The following LRP1B variants were observed in gnomAD, a reference collection of about 807,000 sequenced individuals.
The protein encoded by LRP1B is LDL receptor related protein 1B, also known as low-density lipoprotein receptor-related protein 1B.
Under a neutral mutation model 556.6 loss-of-function variants are expected in LRP1B, and 217 were observed. The observed-to-expected ratio is 0.39, with a 90% CI of 0.35 to 0.44. The LOEUF is 0.44. Among genes scored for constraint, LRP1B ranks in the 20% least tolerant of loss-of-function variants. LRP1B has a pLI of 1.00. For synonymous variants in LRP1B, 2,047 were observed against 1,865.8 expected (o/e 1.10, Z -2.50); for missense variants, 5,053 against 5,620.8 (o/e 0.90, Z 3.23).
At chr2:140,728,464 T>C (rs1687668125) in intron 35 of LRP1B, among the ~76,000 whole-genome samples, 1 of 152,262 alleles carries the variant, frequency 6.6e-6, no homozygotes, top group Middle Eastern at 3.4e-3. Flanking sequence ...AGCTGCAAAA[T>C]TGAGACAGCA....
chr2:140,909,952 T>A (rs374260020), intron 21 of LRP1B, among the ~76,000 whole-genome samples: 1 of 151,224 alleles, frequency 6.6e-6, no homozygotes, highest in Admixed American at 6.6e-5. Flanking sequence ...AAAAAAGCCT[T>A]GAATATAGAT....
chr2:140,584,732 A>G (rs1295206173), intron 43 of LRP1B, among the ~76,000 whole-genome samples: 1 of 152,108 alleles, frequency 6.6e-6, no homozygotes, highest in Non-Finnish European at 1.5e-5. Context: ...CATCACTGAA[A>G]TGTATGTGGA....
chr2:140,521,906 C>T (rs1385264596), intron 49 of LRP1B, among the ~76,000 whole-genome samples: 3 of 151,730 alleles, frequency 2.0e-5, no homozygotes, highest in Non-Finnish European at 4.4e-5. Flanking sequence ...TAAACAACAA[C>T]AGTAGAAAAA....
intron 3 of LRP1B, among the ~76,000 whole-genome samples, chr2:141,348,246 G>A (rs2683819): frequency 0.45 from 68,936 of 151,790 alleles, 17,206 homozygotes; most frequent in Non-Finnish European, 0.57. Flanking sequence ...GCAACAAACC[G>A]CCAGTTAGGT....
At chr2:140,436,538 C>T (rs979676969) in intron 66 of LRP1B, among the ~76,000 whole-genome samples, 1 of 151,548 alleles carries the variant, frequency 6.6e-6, no homozygotes, top group African/African-American at 2.4e-5. Flanking sequence ...GTATGGAATG[C>T]CGAGAAGTGG....
At chr2:141,477,072 G>A (rs762549507) in intron 3 of LRP1B, among the ~76,000 whole-genome samples, 4 of 151,838 alleles carry the variant, frequency 2.6e-5, no homozygotes, top group Non-Finnish European at 4.4e-5. Context: ...ATGGTGAGCC[G>A]AGATAGCGCC....
In LRP1B at chr2:141,819,457, G is replaced by A. The variant is rs1463009535; in HGVS notation, c.83-9056C>T. Among the ~76,000 whole-genome samples, 3 of 152,108 alleles carry A rather than the reference G, an allele frequency of 2.0e-5. No individual in the cohort carries two copies. In the East Asian group the frequency reaches 5.8e-4, roughly 29 times the overall value. On this transcript the variant is annotated intron_variant, in intron 1 of 90. Coordinates refer to ENST00000389484, the MANE Select transcript of LRP1B (RefSeq NM_018557.3). ...ATAACGTAACACTTCAGGGCTACAG[G>A]ACACTATGTTACTTGAGATAAGCCA...
At chr2:140,376,660 C>T (rs1287038398) in intron 68 of LRP1B, among the ~76,000 whole-genome samples, 2 of 151,956 alleles carry the variant, frequency 1.3e-5, no homozygotes, top group African/African-American at 4.8e-5. Context: ...CTTGAGCGAC[C>T]TTTGCATCCT....
At position 141,620,453 on chromosome 2, in the gene LRP1B, C is replaced by T. The variant is rs117989684; in HGVS notation, c.206-139920G>A. On this transcript the variant is annotated intron_variant, in intron 2 of 90. Transcript: ENST00000389484. ...AAATAATCATTTTAATTTCCTTAAA[C>T]CATGAATTAAATAGAAATGGCATGT... 1.2e-3 allele frequency among the ~76,000 whole-genome samples: 180 copies of T among 152,236 alleles called. 6 individuals are homozygous for T. In the East Asian group the frequency reaches 0.033, roughly 28 times the overall value.
intron 66 of LRP1B, among the ~76,000 whole-genome samples, chr2:140,436,764 G>A (rs1193253573): frequency 6.6e-6 from 1 of 151,922 alleles, no homozygotes; most frequent in Non-Finnish European, 1.5e-5. Context: ...AAAAAGAAGG[G>A]AAAGTTGTAG....
intron 41 of LRP1B, among the ~76,000 whole-genome samples, chr2:140,609,423 T>C (rs1392590535): frequency 6.6e-6 from 1 of 152,202 alleles, no homozygotes; most frequent in African/African-American, 2.4e-5. Context: ...AAATATCATT[T>C]ACATGTTTTC....
intron 2 of LRP1B, among the ~76,000 whole-genome samples, chr2:141,786,177 A>G (rs750230739): frequency 1.6e-4 from 24 of 152,008 alleles, no homozygotes; most frequent in Non-Finnish European, 2.6e-4. Flanking sequence ...AACAAATGGT[A>G]TAAATAAGTG....
At chr2:142,046,043 A>T (rs1487050336) in intron 1 of LRP1B, among the ~76,000 whole-genome samples, 1 of 151,968 alleles carries the variant, frequency 6.6e-6, no homozygotes. Context: ...TAAGCAAACA[A>T]GGTGTAAACC....
Position 140,231,932 on chromosome 2 carries a change from T to A in LRP1B, c.*1254A>T, listed in dbSNP as rs1680489423. Reference sequence around the variant, plus strand: ...CTTTTATTTTTATATACAACTTAAATAAATCGCACTCGTTTCAACTCAAAT... The same window carrying A: ...CTTTTATTTTTATATACAACTTAAAAAAATCGCACTCGTTTCAACTCAAAT... On this transcript the variant is annotated 3_prime_UTR_variant, in exon 91 of 91. Coordinates refer to ENST00000389484, the MANE Select transcript of LRP1B (RefSeq NM_018557.3). 1 of 151,726 alleles carries A rather than the reference T, an allele frequency of 6.6e-6. No homozygotes were observed. The highest frequency in any genetic ancestry group is 2.4e-5 in the African/African-American group (1 of 41,340). 9.4% of individuals were successfully genotyped at this position (151,726 alleles called of 1,614,324 possible).
At chr2:140,620,204 A>T (rs1187408995) in intron 41 of LRP1B, among the ~76,000 whole-genome samples, 2 of 152,220 alleles carry the variant, frequency 1.3e-5, no homozygotes, top group Non-Finnish European at 2.9e-5. Flanking sequence ...TCACAATAAC[A>T]GTGCAAGGCC....
intron 81 of LRP1B, 123 bp from the exon 82 acceptor site, chr2:140,322,211 C>T (rs1680179423): frequency 2.1e-6 from 2 of 932,634 alleles, no homozygotes; most frequent in African/African-American, 1.7e-5. Context: ...ATTAAATTTC[C>T]ACTGATGTGG....
intron 25 of LRP1B, among the ~76,000 whole-genome samples, chr2:140,876,333 T>C (rs1289017697): frequency 1.3e-5 from 2 of 152,180 alleles, no homozygotes; most frequent in African/African-American, 4.8e-5. Context: ...TGTTTGTTTC[T>C]CTCTACCTGA....
At chr2:140,727,573 T>C (rs1687638223) in intron 35 of LRP1B, among the ~76,000 whole-genome samples, 1 of 152,122 alleles carries the variant, frequency 6.6e-6, no homozygotes, top group African/African-American at 2.4e-5. Context: ...TTGGATTAGA[T>C]AAGATGTGCA....
intron 2 of LRP1B, among the ~76,000 whole-genome samples, chr2:141,499,834 T>G (rs1399571524): frequency 6.6e-6 from 1 of 152,092 alleles, no homozygotes; most frequent in Non-Finnish European, 1.5e-5. Flanking sequence ...CCTTAATAGA[T>G]GCAAATTTGT....
Sources: gnomAD v4.1 joint callset for allele counts (sites outside exome capture counted in the v4.1 genomes callset) on GRCh38, gnomAD v4.1.1 for gene constraint, MANE v1.5 for transcripts, NCBI Gene and HGNC (gene_info 2026-07-23, HGNC 2026-07-21) for gene names.